CYREN: variants seen among roughly 807,000 people sequenced by gnomAD.
CYREN encodes the protein cell cycle regulator of NHEJ.
A neutral mutation model predicts 9.7 loss-of-function variants in CYREN; 7 were observed. The ratio of observed to expected loss-of-function variants is 0.72; its 90% confidence interval spans 0.41 to 1.36. The LOEUF is 1.36. Ranked by LOEUF, CYREN falls within the 40% of genes most tolerant of loss-of-function variation. The probability of loss-of-function intolerance (pLI) is 0.01; values close to 1 mark genes in which losing one functional copy is unlikely to be tolerated. For missense variants in CYREN, 215 were observed against 198.1 expected, an observed-to-expected ratio of 1.09 and a Z score of -0.51; for synonymous variants, 76 against 77.9, an observed-to-expected ratio of 0.98 and a Z score of 0.13.
At chr7:135,122,071 GT>G (rs1031407576) in intron 2 of CYREN, among the ~76,000 whole-genome samples, 2 of 152,328 alleles carry the variant, frequency 1.3e-5, no homozygotes, top group African/African-American at 4.8e-5. Context: ...TGTCTAAGCC[GT>G]TTGAGTTCCT....
At chr7:135,137,967 C>T (rs1829383980) in intron 2 of CYREN, among the ~76,000 whole-genome samples, 1 of 151,970 alleles carries the variant, frequency 6.6e-6, no homozygotes, top group African/African-American at 2.4e-5. Context: ...CTAATTACCA[C>T]CCAAAGGTCC....
At chr7:135,115,632 C>A in intron 2 of CYREN, 1 of 1,494,998 alleles carries the variant, frequency 6.7e-7, no homozygotes, top group South Asian at 1.2e-5. Flanking sequence ...ACAATTTTAT[C>A]ACTCTTATCT....
At chr7:135,108,044 T>C (rs1296358242) in intron 2 of CYREN, among the ~76,000 whole-genome samples, 1 of 152,250 alleles carries the variant, frequency 6.6e-6, no homozygotes, top group African/African-American at 2.4e-5. Flanking sequence ...CCCTGCTTTT[T>C]TCTGATTTCC....
intron 2 of CYREN, 197 bp downstream of exon 2, chr7:135,168,589 G>C: frequency 1.4e-6 from 1 of 712,508 alleles, no homozygotes; most frequent in South Asian, 1.9e-5. Context: ...GGCAGAAGTG[G>C]GTGCCTGTCC....
At chr7:135,118,796 G>T (rs1318399987) in intron 2 of CYREN, among the ~76,000 whole-genome samples, 1 of 151,954 alleles carries the variant, frequency 6.6e-6, no homozygotes, top group African/African-American at 2.4e-5. Flanking sequence ...TAAAAAAATA[G>T]CCTCAGCAGA....
At chr7:135,096,480 C>G (rs575223080) in intron 2 of CYREN, among the ~76,000 whole-genome samples, 31 of 147,460 alleles carry the variant, frequency 2.1e-4, no homozygotes, top group Admixed American at 1.7e-3. Context: ...ACATATACAA[C>G]TAGGAAGATA....
chr7:135,137,508 C>T (rs559882446), intron 2 of CYREN, among the ~76,000 whole-genome samples: 1 of 151,604 alleles, frequency 6.6e-6, no homozygotes, highest in South Asian at 2.1e-4. Context: ...TCAAAATGAA[C>T]GACACCAAAC....
chr7:135,133,098 C>CAA (rs747528519), intron 2 of CYREN, among the ~76,000 whole-genome samples: 41 of 141,358 alleles, frequency 2.9e-4, no homozygotes, highest in African/African-American at 1.0e-3. Flanking sequence ...CACACACACA[C>CAA]AACCTTTAGA....
At chr7:135,156,901 C>T (rs1198948830) in intron 2 of CYREN, among the ~76,000 whole-genome samples, 3 of 152,156 alleles carry the variant, frequency 2.0e-5, no homozygotes, top group African/African-American at 4.8e-5. Flanking sequence ...ATGCTATTCT[C>T]GTGATAGTGA....
rs547773953 is a variant in CYREN at position 135,106,589 on chromosome 7, T to C, written n.357-12007A>G. Among the ~76,000 whole-genome samples the C allele has an allele frequency of 5.9e-5, 9 of 152,356 alleles. No individual in the cohort carries two copies. The South Asian group carries it at 1.9e-3, about 32-fold the overall frequency. On this transcript the variant is annotated intron_variant and non_coding_transcript_variant, in intron 2 of 2. Coordinates refer to the CYREN transcript ENST00000459937. ...TACTTGATCATGGTGGATTAGCTTT[T>C]TGATGTGCTGCTGGATTTGGTTTGC...
intron 2 of CYREN, among the ~76,000 whole-genome samples, chr7:135,159,234 T>C (rs193050810): frequency 6.6e-6 from 1 of 152,382 alleles, no homozygotes; most frequent in East Asian, 1.9e-4. Flanking sequence ...CTTACTATTC[T>C]GGTTTCTCAC....
At chr7:135,164,156 C>T (rs1426415157), downstream of CYREN, among the ~76,000 whole-genome samples, 1 of 152,254 alleles carries the variant, frequency 6.6e-6, no homozygotes, top group Non-Finnish European at 1.5e-5. Flanking sequence ...GAGCACTTCA[C>T]TCAGTTTAAG....
intron 2 of CYREN, among the ~76,000 whole-genome samples, chr7:135,157,370 A>T (rs1485278079): frequency 6.6e-6 from 1 of 152,182 alleles, no homozygotes; most frequent in Admixed American, 6.5e-5. Flanking sequence ...AGTGGGATAG[A>T]GTATGGTAAT....
At chr7:135,129,359 CCT>C (rs1263746039) in intron 2 of CYREN, 16 of 968,760 alleles carry the variant, frequency 1.7e-5, no homozygotes, top group Middle Eastern at 2.7e-4. Flanking sequence ...TAAATGAATA[CCT>C]GCAAGCAGAT....
chr7:135,146,924 T>C (rs781022040), intron 2 of CYREN, among the ~76,000 whole-genome samples: 4 of 152,230 alleles, frequency 2.6e-5, no homozygotes, highest in Non-Finnish European at 5.9e-5. Flanking sequence ...AATATAAATA[T>C]GTTTCTATCT....
intron 2 of CYREN, among the ~76,000 whole-genome samples, chr7:135,122,414 GGT>G (rs564342736): frequency 6.6e-5 from 10 of 152,198 alleles, no homozygotes; most frequent in Non-Finnish European, 1.3e-4. Context: ...TAGCGGGAGG[GGT>G]GACCACAGTC....
intron 2 of CYREN, chr7:135,129,173 G>A: frequency 6.9e-7 from 1 of 1,443,788 alleles, no homozygotes; most frequent in Non-Finnish European, 9.8e-7. Context: ...CCTTGGACCT[G>A]ATGGCAGATG....
chr7:135,101,405 C>T (rs1823810218), intron 2 of CYREN: 1 of 351,366 alleles, frequency 2.8e-6, no homozygotes, highest in Non-Finnish European at 5.6e-6. Context: ...AGATTGATAG[C>T]TATTTTAGTC....
chr7:135,130,709 T>A (rs1385449365), intron 2 of CYREN, among the ~76,000 whole-genome samples: 1 of 152,192 alleles, frequency 6.6e-6, no homozygotes, highest in Non-Finnish European at 1.5e-5. Context: ...CAGTATAACC[T>A]GTCTATACCA....
Sources: gnomAD v4.1 joint callset for allele counts (sites outside exome capture counted in the v4.1 genomes callset) on GRCh38, gnomAD v4.1.1 for gene constraint, MANE v1.5 for transcripts, NCBI Gene and HGNC (gene_info 2026-07-23, HGNC 2026-07-21) for gene names.